BCAP31: variants seen among roughly 807,000 people sequenced by gnomAD.
BCAP31 encodes B-cell receptor-associated protein 31.
For missense variants in BCAP31, 124 were observed against 193.0 expected (o/e 0.64, Z 2.12); for synonymous variants, 75 against 80.9 (o/e 0.93, Z 0.39).
chrX:153,704,189 C>T, intron 4 of BCAP31, 95 bp from the exon 5 acceptor site: 2 of 943,908 alleles, frequency 2.1e-6, no homozygotes, highest in Non-Finnish European at 2.9e-6. Context: ...ACACCTAGCT[C>T]CAGCCTGGAC....
intron 3 of BCAP31, among the ~76,000 whole-genome samples, chrX:153,718,576 A>G (rs1440148174): frequency 8.9e-6 from 1 of 112,202 alleles, no homozygotes; most frequent in Non-Finnish European, 1.9e-5. Context: ...TGCACAACAA[A>G]ATACTCATGA....
intron 6 of BCAP31, among the ~76,000 whole-genome samples, 160 bp downstream of exon 6, chrX:153,702,775 T>C (rs1221077615): frequency 1.8e-5 from 2 of 112,474 alleles, no homozygotes; most frequent in South Asian, 3.6e-4. Flanking sequence ...CATGGCTGCA[T>C]TGGGGTTGGA....
intron 4 of BCAP31, among the ~76,000 whole-genome samples, chrX:153,709,591 G>C (rs1354603719): frequency 8.9e-6 from 1 of 112,568 alleles, no homozygotes; most frequent in Non-Finnish European, 1.9e-5. Flanking sequence ...GAACAGGAGC[G>C]ACTGCCGGAG....
chrX:153,707,371 C>CT (rs1447685526), intron 4 of BCAP31, among the ~76,000 whole-genome samples: 16 of 100,525 alleles, frequency 1.6e-4, no homozygotes, highest in Non-Finnish European at 2.7e-4. Flanking sequence ...GCAAGTATAG[C>CT]TAAAAAAAAA....
rs1418759656 is a variant in BCAP31, at chrX:153,721,658, T to C, written c.93-686A>G. 3.7e-5 allele frequency among the ~76,000 whole-genome samples: 4 copies of C among 107,515 alleles called. No individual in the cohort carries two copies. In the East Asian group the frequency reaches 8.9e-4, roughly 24 times the overall value. 93.4% of individuals were successfully genotyped at this position (107,515 alleles called of 115,157 possible). On this transcript the variant is annotated intron_variant, in intron 2 of 7. Coordinates refer to ENST00000345046, the MANE Select transcript of BCAP31 (RefSeq NM_001256447.2). ...AACCCAGCACTTTGGGAGGCTGAGA[T>C]GGGCAGATCACCTGAGGTCAGAAGT...
chrX:153,718,440 G>A (rs1408569701), intron 3 of BCAP31, among the ~76,000 whole-genome samples: 1 of 110,809 alleles, frequency 9.0e-6, no homozygotes, highest in Non-Finnish European at 1.9e-5. Context: ...ACCAGCTCAG[G>A]CGTGGAATGC....
At chrX:153,723,954 C>T (rs1272073607) in intron 1 of BCAP31, 8 of 459,033 alleles carry the variant, frequency 1.7e-5, no homozygotes, top group South Asian at 2.5e-5. Context: ...CGACCAAGCA[C>T]CTCAAGGCCC....
At chrX:153,704,861 C>G (rs2091544016) in intron 4 of BCAP31, 1 of 111,959 alleles carries the variant, frequency 8.9e-6, no homozygotes, top group African/African-American at 3.3e-5. Flanking sequence ...GTAGAGGAAT[C>G]AGGACACAGG....
At chrX:153,718,780 G>A (rs1354487521) in intron 3 of BCAP31, among the ~76,000 whole-genome samples, 1 of 111,453 alleles carries the variant, frequency 9.0e-6, no homozygotes, top group Non-Finnish European at 1.9e-5. Context: ...TGGGGATGGG[G>A]GACTGAGCAA....
intron 2 of BCAP31, 60 bp from the exon 3 acceptor site, chrX:153,721,032 C>T (rs2091661715): frequency 2.9e-6 from 3 of 1,032,528 alleles, no homozygotes; most frequent in Non-Finnish European, 2.7e-6. Context: ...AGCTCTAGGG[C>T]CCTGAGCAAA....
chrX:153,720,825 G>A, intron 3 of BCAP31, 47 bp downstream of exon 3: 1 of 1,159,370 alleles, frequency 8.6e-7, no homozygotes, highest in Non-Finnish European at 1.2e-6. Flanking sequence ...TTGCAGCAGA[G>A]ACCAGGGTCT....
rs782375102 is a variant in BCAP31 at position 153,723,545 on chromosome X, G to A, written c.-44-257C>T. ...GCACGTGTGTCAACACGTCCAGAGC[G>A]GCCTCTCCCGACGATCCCTGCCCCA... On this transcript the variant is annotated intron_variant, in intron 1 of 7. Transcript: ENST00000345046. 25 of 1,167,053 alleles carry A rather than the reference G, an allele frequency of 2.1e-5. No homozygotes were observed. In the African/African-American group the frequency reaches 3.9e-4, roughly 18 times the overall value.
At position 153,704,097 on chromosome X, in the gene BCAP31, G is replaced by A. The variant is rs2091537724; in HGVS notation, c.342-3C>T. ...GAGTCACCAGGCGTCTAAGCAGGCTGCAATTATTTACAAAAAGAAGGGAGA... is the reference window on the plus strand; with the variant it reads ...GAGTCACCAGGCGTCTAAGCAGGCTACAATTATTTACAAAAAGAAGGGAGA... On this transcript the variant is annotated splice_region_variant and splice_polypyrimidine_tract_variant and intron_variant, in intron 4 of 7. Coordinates refer to ENST00000345046, the MANE Select transcript of BCAP31 (RefSeq NM_001256447.2). 2.5e-6 allele frequency: 3 copies of A among 1,204,783 alleles called. No homozygotes were observed. The South Asian group carries it at 5.3e-5, about 21-fold the overall frequency.
At chrX:153,704,854 G>C (rs2283749) in intron 4 of BCAP31, 5 of 112,110 alleles carry the variant, frequency 4.5e-5, no homozygotes, top group Admixed American at 2.8e-4. Context: ...GGAGGGTGTA[G>C]AGGAATCAGG....
At chrX:153,716,578 CAAAAAAAAAAA>C (rs782072647) in intron 3 of BCAP31, among the ~76,000 whole-genome samples, 1 of 27,370 alleles carries the variant, frequency 3.7e-5, no homozygotes, top group Admixed American at 4.5e-4. Context: ...TCTCTCTCAA[CAAAAAAAAAAA>C]AAAAAAAAAA....
chrX:153,703,397 A>T (rs1281062794), intron 5 of BCAP31, among the ~76,000 whole-genome samples: 2 of 113,052 alleles, frequency 1.8e-5, no homozygotes, highest in Non-Finnish European at 3.8e-5. Context: ...CCCTCCACAG[A>T]TGGCGGTGCC....
At chrX:153,721,459 C>T (rs1307422767) in intron 2 of BCAP31, among the ~76,000 whole-genome samples, 1 of 100,695 alleles carries the variant, frequency 9.9e-6, no homozygotes, top group Non-Finnish European at 2.0e-5. Context: ...AAAAAAGATG[C>T]TGGTCCACGT....
chrX:153,717,930 T>C (rs1255692410), intron 3 of BCAP31, among the ~76,000 whole-genome samples: 2 of 112,406 alleles, frequency 1.8e-5, no homozygotes, highest in Admixed American at 1.9e-4. Flanking sequence ...TTGCATAAAT[T>C]TGCAATGATT....
At chrX:153,704,995 G>A (rs782602931) in intron 4 of BCAP31, 117 of 112,042 alleles carry the variant, frequency 1.0e-3, no homozygotes, top group African/African-American at 3.5e-3. Flanking sequence ...CCCTTGCCCC[G>A]AGATGTTAGC....
Sources: allele counts gnomAD v4.1 joint callset (sites outside exome capture counted in the v4.1 genomes callset), GRCh38; gene constraint gnomAD v4.1.1; transcripts MANE v1.5; gene names NCBI Gene and HGNC (gene_info 2026-07-23, HGNC 2026-07-21).